The following HIVEP3 variants were observed in gnomAD, a reference collection of about 807,000 sequenced individuals.
HIVEP3 encodes HIVEP zinc finger 3.
A neutral mutation model predicts 152.8 loss-of-function variants in HIVEP3; 49 were observed. The observed-to-expected ratio is 0.32, with a 90% CI of 0.26 to 0.41. The LOEUF (loss-of-function observed/expected upper bound fraction) is 0.41, where lower values mean the gene tolerates loss of function less well. Ranked by LOEUF, HIVEP3 falls within the 10% of genes least tolerant of loss-of-function variation. The pLI is 1.00. For synonymous variants in HIVEP3, 1,269 were observed against 1,289.0 expected (o/e 0.98, Z 0.33); for missense variants, 2,790 against 3,103.3 (o/e 0.90, Z 2.40).
At chr1:41,817,624 G>A (rs1316586061) in intron 1 of HIVEP3, among the ~76,000 whole-genome samples, 2 of 152,156 alleles carry the variant, frequency 1.3e-5, no homozygotes, top group Admixed American at 1.3e-4. Context: ...CCATTTAGAG[G>A]TATGTTTAAC....
At chr1:41,702,803 T>G (rs565539417) in intron 1 of HIVEP3, among the ~76,000 whole-genome samples, 1 of 152,178 alleles carries the variant, frequency 6.6e-6, no homozygotes, top group Non-Finnish European at 1.5e-5. Flanking sequence ...ACAAATCAAG[T>G]GCAAAATAAC....
intron 1 of HIVEP3, among the ~76,000 whole-genome samples, chr1:41,757,413 G>A (rs931681898): frequency 1.5e-4 from 23 of 151,486 alleles, no homozygotes; most frequent in Admixed American, 1.3e-3. Flanking sequence ...CACCGTGCCC[G>A]GCCCAAAAAA....
intron 2 of HIVEP3, among the ~76,000 whole-genome samples, chr1:41,697,055 C>T (rs566503934): frequency 6.6e-6 from 1 of 152,318 alleles, no homozygotes; most frequent in South Asian, 2.1e-4. Flanking sequence ...CCGCGTTGCA[C>T]AGAAGAGACG....
At chr1:42,011,685 C>T (rs1376729597) in intron 1 of HIVEP3, among the ~76,000 whole-genome samples, 1 of 152,178 alleles carries the variant, frequency 6.6e-6, no homozygotes, top group African/African-American at 2.4e-5. Context: ...TTCTGTGGTC[C>T]TCATGTTGGC....
intron 1 of HIVEP3, among the ~76,000 whole-genome samples, chr1:42,020,890 G>A (rs1448676378): frequency 6.6e-6 from 1 of 152,174 alleles, no homozygotes; most frequent in Non-Finnish European, 1.5e-5. Flanking sequence ...AAGATCCAAA[G>A]CAAGAAGTGT....
chr1:41,949,731 T>C (rs912818243), intron 1 of HIVEP3, among the ~76,000 whole-genome samples: 2 of 152,182 alleles, frequency 1.3e-5, no homozygotes, highest in Non-Finnish European at 2.9e-5. Flanking sequence ...CTTGTTAAGC[T>C]TGTCTCTTCC....
At chr1:41,860,431 A>T (rs1643873044) in intron 1 of HIVEP3, among the ~76,000 whole-genome samples, 1 of 152,178 alleles carries the variant, frequency 6.6e-6, no homozygotes, top group Non-Finnish European at 1.5e-5. Context: ...TGGCTTTGGT[A>T]CAAGAATTTG....
Position 41,659,219 on chromosome 1 carries a change from T to C in HIVEP3, c.-720-30272A>G, listed in dbSNP as rs1305573913. 2.0e-5 allele frequency among the ~76,000 whole-genome samples: 3 copies of C among 152,320 alleles called. No individual in the cohort carries two copies. The East Asian group carries it at 5.8e-4, about 29-fold the overall frequency. On this transcript the variant is annotated intron_variant, in intron 2 of 8. Coordinates refer to ENST00000372583, the MANE Select transcript of HIVEP3 (RefSeq NM_024503.5). ...ATGGCAAATATTCTTTCCCCAAAGC[T>C]TTGCAAGGCTGTCACTTCTTTATTA...
intron 1 of HIVEP3, among the ~76,000 whole-genome samples, chr1:41,840,445 A>G (rs553585341): frequency 9.2e-5 from 14 of 152,292 alleles, no homozygotes; most frequent in Non-Finnish European, 2.1e-4. Context: ...ACCAGAAATT[A>G]GAAGAGGCAC....
At chr1:41,756,977 C>T (rs919262836) in intron 1 of HIVEP3, among the ~76,000 whole-genome samples, 2 of 152,008 alleles carry the variant, frequency 1.3e-5, no homozygotes, top group Admixed American at 6.6e-5. Context: ...GTCAGTGGCT[C>T]ATGCCTGTAA....
chr1:41,712,067 C>T (rs1177842698), intron 1 of HIVEP3, among the ~76,000 whole-genome samples: 1 of 152,186 alleles, frequency 6.6e-6, no homozygotes, highest in Non-Finnish European at 1.5e-5. Flanking sequence ...TCTCAGTGTA[C>T]AAATGGGGAA....
chr1:41,640,056 T>C (rs12123834), intron 2 of HIVEP3, among the ~76,000 whole-genome samples: 78,474 of 151,766 alleles, frequency 0.52, 20,663 homozygotes, highest in Non-Finnish European at 0.56. Flanking sequence ...TAGTGGCAGG[T>C]AGGAATATAC....
intron 5 of HIVEP3, among the ~76,000 whole-genome samples, chr1:41,527,016 CCCA>C (rs2149055506): frequency 9.1e-6 from 1 of 110,026 alleles, no homozygotes; most frequent in Non-Finnish European, 1.9e-5. Flanking sequence ...CGCTTACACC[CCCA>C]CACTCACCCC....
intron 2 of HIVEP3, among the ~76,000 whole-genome samples, chr1:41,689,968 C>T (rs911692502): frequency 1.3e-5 from 2 of 152,256 alleles, no homozygotes; most frequent in African/African-American, 4.8e-5. Flanking sequence ...CCTCCGGGGC[C>T]TTGGCAGCCT....
chr1:41,854,615 C>T (rs1413702217), intron 1 of HIVEP3, among the ~76,000 whole-genome samples: 2 of 121,862 alleles, frequency 1.6e-5, no homozygotes, highest in Admixed American at 8.2e-5. Flanking sequence ...TGCTGGTGCG[C>T]TGCACCCACT....
intron 3 of HIVEP3, among the ~76,000 whole-genome samples, chr1:41,606,730 A>G (rs1570088139): frequency 6.6e-6 from 1 of 152,036 alleles, no homozygotes; most frequent in East Asian, 1.9e-4. Flanking sequence ...CATTTAAAAA[A>G]CTATTTTTTT....
intron 1 of HIVEP3, among the ~76,000 whole-genome samples, chr1:41,842,429 T>C (rs1467168659): frequency 6.6e-6 from 1 of 152,124 alleles, no homozygotes; most frequent in Non-Finnish European, 1.5e-5. Context: ...TGGCCCCTCA[T>C]AAAGGCTTCC....
chr1:41,626,918 T>A (rs1007571711), intron 3 of HIVEP3, among the ~76,000 whole-genome samples: 3 of 152,204 alleles, frequency 2.0e-5, no homozygotes, highest in Non-Finnish European at 2.9e-5. Context: ...CCCCTTACCA[T>A]CTGTGTAGCT....
intron 5 of HIVEP3, among the ~76,000 whole-genome samples, chr1:41,527,974 C>T (rs1293386893): frequency 2.1e-5 from 3 of 145,458 alleles, no homozygotes; most frequent in Non-Finnish European, 4.5e-5. Flanking sequence ...CTTGCATTCA[C>T]CTTCACACTC....
Sources: allele counts gnomAD v4.1 joint callset (sites outside exome capture counted in the v4.1 genomes callset), GRCh38; gene constraint gnomAD v4.1.1; transcripts MANE v1.5; gene names NCBI Gene and HGNC (gene_info 2026-07-23, HGNC 2026-07-21).